SYT17: variants seen among roughly 807,000 people sequenced by gnomAD.
The protein encoded by SYT17 is synaptotagmin-17.
SYT17 carries 22 observed loss-of-function variants against 46.7 expected under a neutral mutation model. That is an observed-to-expected ratio of 0.47 (90% CI 0.34 to 0.67). The LOEUF (loss-of-function observed/expected upper bound fraction) is 0.67. Among genes scored for constraint, SYT17 ranks in the 30% least tolerant of loss-of-function variants. SYT17 has a pLI of 0.01. For synonymous variants in SYT17, 251 were observed against 248.4 expected, an observed-to-expected ratio of 1.01 and a Z score of -0.10; for missense variants, 519 against 612.8, an observed-to-expected ratio of 0.85 and a Z score of 1.62.
At chr16:19,209,501 A>G (rs1965807506) in intron 5 of SYT17, among the ~76,000 whole-genome samples, 1 of 152,166 alleles carries the variant, frequency 6.6e-6, no homozygotes, top group African/African-American at 2.4e-5. Context: ...TAACAGACCA[A>G]TATAATCCAG....
intron 5 of SYT17, among the ~76,000 whole-genome samples, chr16:19,185,092 C>G (rs1269413546): frequency 6.6e-6 from 1 of 151,962 alleles, no homozygotes; most frequent in African/African-American, 2.4e-5. Context: ...CCTCCCTTCC[C>G]GCTTCTCTCT....
chr16:19,259,816 G>A (rs1240750751), intron 7 of SYT17, among the ~76,000 whole-genome samples: 1 of 152,096 alleles, frequency 6.6e-6, no homozygotes, highest in African/African-American at 2.4e-5. Flanking sequence ...ATCAGTTTGG[G>A]AGTTTATTTT....
intron 7 of SYT17, among the ~76,000 whole-genome samples, chr16:19,232,680 A>G (rs933284487): frequency 2.0e-5 from 3 of 151,832 alleles, no homozygotes; most frequent in African/African-American, 7.3e-5. Flanking sequence ...AAATTACAAA[A>G]ATTAGCTGGT....
At chr16:19,174,153 T>G (rs1482392337) in intron 3 of SYT17, among the ~76,000 whole-genome samples, 3 of 152,126 alleles carry the variant, frequency 2.0e-5, no homozygotes, top group Non-Finnish European at 2.9e-5. Flanking sequence ...CCAACGCTGT[T>G]TATGTTCTCT....
At chr16:19,196,919 C>T (rs555189703) in intron 5 of SYT17, among the ~76,000 whole-genome samples, 13 of 152,086 alleles carry the variant, frequency 8.5e-5, no homozygotes, top group South Asian at 2.1e-4. Flanking sequence ...TCATTGGACC[C>T]GGTACTTGGA....
intron 5 of SYT17, among the ~76,000 whole-genome samples, chr16:19,208,055 C>T (rs534710141): frequency 1.7e-3 from 264 of 152,198 alleles, no homozygotes; most frequent in African/African-American, 5.2e-3. Context: ...TAGCAAAGCA[C>T]CTCTTTAAAA....
chr16:19,208,890 TTTTTTTTTTTTTTTTTTTTTG>T (rs1965778161), intron 5 of SYT17, among the ~76,000 whole-genome samples: 1 of 124,186 alleles, frequency 8.1e-6, no homozygotes, highest in Admixed American at 7.9e-5. Flanking sequence ...CCTTCTTTTT[TTTTTTTTTTTTTTTTTTTTTG>T]AGACAGAGTC....
At chr16:19,174,493 G>C (rs1044646945) in intron 3 of SYT17, among the ~76,000 whole-genome samples, 7 of 152,202 alleles carry the variant, frequency 4.6e-5, no homozygotes, top group African/African-American at 1.4e-4. Flanking sequence ...CTCAGTCCTT[G>C]GCCTGAGATT....
At chr16:19,221,186 CAAAA>C (rs575577083) in intron 5 of SYT17, among the ~76,000 whole-genome samples, 3 of 62,918 alleles carry the variant, frequency 4.8e-5, no homozygotes, top group African/African-American at 9.7e-5. Context: ...GACCTTGTCT[CAAAA>C]AAAAAAAAAA....
chr16:19,173,033 T>G, intron 2 of SYT17: 1 of 582,112 alleles, frequency 1.7e-6, no homozygotes, highest in Non-Finnish European at 3.0e-6. Context: ...TCACCGAGAT[T>G]TTTTAAAAAT....
intron 7 of SYT17, among the ~76,000 whole-genome samples, chr16:19,261,050 A>G (rs1968942613): frequency 6.6e-6 from 1 of 152,064 alleles, no homozygotes; most frequent in Non-Finnish European, 1.5e-5. Flanking sequence ...TATGTTGCCC[A>G]AGCTGGTCTC....
chr16:19,223,251 T>C, intron 6 of SYT17, 86 bp downstream of exon 6: 1 of 1,519,170 alleles, frequency 6.6e-7, no homozygotes, highest in South Asian at 1.2e-5. Flanking sequence ...TTCCGTATCC[T>C]GGATGAGCAT....
chr16:19,210,790 C>T (rs564891267), intron 5 of SYT17, among the ~76,000 whole-genome samples: 7 of 152,114 alleles, frequency 4.6e-5, no homozygotes, highest in Non-Finnish European at 7.3e-5. Flanking sequence ...CATAAGGGGG[C>T]GCAGAGCAGC....
chr16:19,224,565 A>G, intron 6 of SYT17, 118 bp from the exon 7 acceptor site: 1 of 1,111,164 alleles, frequency 9.0e-7, no homozygotes, highest in Non-Finnish European at 1.3e-6. Context: ...GAATGGGTGG[A>G]TGGATAGAAG....
intron 5 of SYT17, among the ~76,000 whole-genome samples, chr16:19,208,375 C>T (rs912432798): frequency 6.6e-5 from 10 of 152,092 alleles, no homozygotes; most frequent in African/African-American, 1.9e-4. Context: ...GTTGACTCAC[C>T]GTTCTGCATG....
At chr16:19,236,934 C>T (rs1441847207) in intron 7 of SYT17, among the ~76,000 whole-genome samples, 1 of 152,174 alleles carries the variant, frequency 6.6e-6, no homozygotes, top group Non-Finnish European at 1.5e-5. Context: ...TGAATTGATA[C>T]TATGTGATCC....
chr16:19,247,399 T>C (rs901871037), intron 7 of SYT17, among the ~76,000 whole-genome samples: 9 of 152,214 alleles, frequency 5.9e-5, no homozygotes, highest in Admixed American at 1.3e-4. Flanking sequence ...AGCATACATG[T>C]TGGTCAATTT....
chr16:19,235,460 G>T (rs912483527), intron 7 of SYT17, among the ~76,000 whole-genome samples: 3 of 152,128 alleles, frequency 2.0e-5, no homozygotes, highest in African/African-American at 7.2e-5. Flanking sequence ...TTCTTAAAAA[G>T]TCAACATATT....
At chr16:19,228,248 G>A (rs980202574) in intron 7 of SYT17, among the ~76,000 whole-genome samples, 2 of 152,072 alleles carry the variant, frequency 1.3e-5, no homozygotes, top group African/African-American at 2.4e-5. Context: ...TTCAACCCAC[G>A]GCACTTCAGG....
Sources: gnomAD v4.1 joint callset for allele counts (sites outside exome capture counted in the v4.1 genomes callset) on GRCh38, gnomAD v4.1.1 for gene constraint, MANE v1.5 for transcripts, NCBI Gene and HGNC (gene_info 2026-07-23, HGNC 2026-07-21) for gene names.